SUCLG2: variants seen among roughly 807,000 people sequenced by gnomAD.
The protein encoded by SUCLG2 is succinate-CoA ligase GDP-forming subunit beta.
In SUCLG2, 42 loss-of-function variants were observed where a neutral mutation model predicts 47.9. The observed-to-expected ratio is 0.88, with a 90% CI of 0.69 to 1.14. The LOEUF is 1.14. Ranked by LOEUF, SUCLG2 falls within the 50% of genes most tolerant of loss-of-function variation. The probability of loss-of-function intolerance (pLI) is 0.00; values close to 1 mark genes in which losing one functional copy is unlikely to be tolerated. For missense variants in SUCLG2, 571 were observed against 525.9 expected (o/e 1.09, Z -0.84); for synonymous variants, 195 against 197.3 (o/e 0.99, Z 0.10).
At chr3:67,481,021 C>T (rs1184354285) in intron 9 of SUCLG2, among the ~76,000 whole-genome samples, 1 of 105,786 alleles carries the variant, frequency 9.5e-6, no homozygotes, top group Non-Finnish European at 2.4e-5. Context: ...TCACTTATGA[C>T]ACTGTTTTTT....
chr3:67,520,691 A>G (rs1342574358), intron 4 of SUCLG2, 57 bp from the exon 5 acceptor site: 23 of 1,547,112 alleles, frequency 1.5e-5, no homozygotes, highest in Admixed American at 8.2e-5. Flanking sequence ...TTCTACTTGG[A>G]AATCTATACA....
intron 9 of SUCLG2, among the ~76,000 whole-genome samples, chr3:67,411,943 G>A (rs1009728471): frequency 6.6e-6 from 1 of 152,150 alleles, no homozygotes; most frequent in African/African-American, 2.4e-5. Flanking sequence ...GGGCTCCTCT[G>A]AAATCCCTGG....
At chr3:67,458,651 A>G (rs1200050736) in intron 9 of SUCLG2, among the ~76,000 whole-genome samples, 4 of 152,082 alleles carry the variant, frequency 2.6e-5, no homozygotes, top group African/African-American at 9.7e-5. Flanking sequence ...CATCACACAC[A>G]CTAGCAAAGG....
At chr3:67,406,188 G>T (rs976994514) in intron 9 of SUCLG2, among the ~76,000 whole-genome samples, 5 of 152,118 alleles carry the variant, frequency 3.3e-5, no homozygotes, top group African/African-American at 1.2e-4. Flanking sequence ...AAAAAATTCA[G>T]CTCTTTTTAT....
chr3:67,631,042 A>T (rs1330316387), intron 1 of SUCLG2, among the ~76,000 whole-genome samples: 2 of 152,174 alleles, frequency 1.3e-5, no homozygotes, highest in Admixed American at 6.5e-5. Flanking sequence ...GATGCAGATA[A>T]ACTTCTTGAG....
intron 2 of SUCLG2, among the ~76,000 whole-genome samples, chr3:67,551,698 T>C (rs941652588): frequency 6.6e-6 from 1 of 152,156 alleles, no homozygotes; most frequent in African/African-American, 2.4e-5. Flanking sequence ...TTCAGTGCCA[T>C]TACTGATGTT....
At chr3:67,478,616 C>T (rs1056535996) in intron 9 of SUCLG2, among the ~76,000 whole-genome samples, 3 of 152,300 alleles carry the variant, frequency 2.0e-5, no homozygotes, top group East Asian at 1.9e-4. Context: ...TAGTATCATA[C>T]GTCAAAGTTG....
chr3:67,582,128 T>C (rs1012815698), intron 2 of SUCLG2, among the ~76,000 whole-genome samples: 1 of 152,246 alleles, frequency 6.6e-6, no homozygotes, highest in Admixed American at 6.5e-5. Flanking sequence ...AAAAAACTTA[T>C]TTAACATTCA....
chr3:67,507,724 C>G (rs1705676013), intron 7 of SUCLG2, among the ~76,000 whole-genome samples: 1 of 152,150 alleles, frequency 6.6e-6, no homozygotes, highest in South Asian at 2.1e-4. Context: ...CCGTCTTGGT[C>G]CAAAAGTTGA....
intron 2 of SUCLG2, among the ~76,000 whole-genome samples, chr3:67,532,656 T>G (rs1165412949): frequency 6.6e-6 from 1 of 152,184 alleles, no homozygotes; most frequent in East Asian, 1.9e-4. Flanking sequence ...AGGAACCAGT[T>G]TATTAGAATT....
intron 2 of SUCLG2, among the ~76,000 whole-genome samples, chr3:67,603,361 C>T (rs1708461889): frequency 6.6e-6 from 1 of 152,210 alleles, no homozygotes; most frequent in Admixed American, 6.5e-5. Flanking sequence ...GTAGTCAATG[C>T]ACAACAGTTC....
intron 2 of SUCLG2, among the ~76,000 whole-genome samples, chr3:67,543,335 T>C (rs991144773): frequency 5.9e-5 from 9 of 152,286 alleles, no homozygotes; most frequent in East Asian, 1.9e-4. Context: ...AACAGTTACA[T>C]AGTCGTAATA....
At chr3:67,550,134 C>T (rs1706974275) in intron 2 of SUCLG2, among the ~76,000 whole-genome samples, 1 of 152,142 alleles carries the variant, frequency 6.6e-6, no homozygotes, top group African/African-American at 2.4e-5. Flanking sequence ...GCCTGGGGCA[C>T]ATACATCTGC....
chr3:67,437,193 T>A (rs1172158835), intron 9 of SUCLG2, among the ~76,000 whole-genome samples: 6 of 152,154 alleles, frequency 3.9e-5, no homozygotes, highest in Admixed American at 3.3e-4. Context: ...AGCTTCAGTC[T>A]TTTTTATAAC....
chr3:67,492,671 T>A (rs373170723), intron 9 of SUCLG2, among the ~76,000 whole-genome samples: 1 of 152,216 alleles, frequency 6.6e-6, no homozygotes, highest in African/African-American at 2.4e-5. Context: ...TTTAATGATA[T>A]ACTTTATATG....
chr3:67,374,692 G>T, downstream of SUCLG2: 1 of 822,028 alleles, frequency 1.2e-6, no homozygotes, highest in Non-Finnish European at 1.5e-6. Context: ...GAATAAAATT[G>T]AGTAAAATGA....
At chr3:67,524,581 T>C (rs1002803798) in intron 4 of SUCLG2, among the ~76,000 whole-genome samples, 1 of 152,154 alleles carries the variant, frequency 6.6e-6, no homozygotes, top group African/African-American at 2.4e-5. Flanking sequence ...CTGATGTGTA[T>C]AAATGTGTGT....
chr3:67,448,477 C>T (rs1434767206), intron 9 of SUCLG2, among the ~76,000 whole-genome samples: 3 of 152,090 alleles, frequency 2.0e-5, no homozygotes, highest in Non-Finnish European at 4.4e-5. Flanking sequence ...CCTCTGCTCC[C>T]GGGTTCAAGT....
chr3:67,466,354 A>G (rs1489804843), intron 9 of SUCLG2, among the ~76,000 whole-genome samples: 1 of 152,240 alleles, frequency 6.6e-6, no homozygotes, highest in Non-Finnish European at 1.5e-5. Context: ...TTGTCTCAAA[A>G]AAAAGAATTT....
Sources: gnomAD v4.1 joint callset for allele counts (sites outside exome capture counted in the v4.1 genomes callset) on GRCh38, gnomAD v4.1.1 for gene constraint, MANE v1.5 for transcripts, NCBI Gene and HGNC (gene_info 2026-07-23, HGNC 2026-07-21) for gene names.